AGBL1: variants seen among roughly 807,000 people sequenced by gnomAD.
The protein encoded by AGBL1 is cytosolic carboxypeptidase 4.
In AGBL1, 130 loss-of-function variants were observed where a neutral mutation model predicts 118.9. The observed-to-expected ratio is 1.09, with a 90% CI of 0.95 to 1.26. AGBL1 has a LOEUF of 1.26. AGBL1 is among the 50% of genes most tolerant of loss of function. The pLI is 0.00. For synonymous variants in AGBL1, 555 were observed against 478.9 expected (o/e 1.16, Z -2.08); for missense variants, 1,584 against 1,298.1 (o/e 1.22, Z -3.38).
chr15:86,658,008 A>C (rs886405988), intron 21 of AGBL1, among the ~76,000 whole-genome samples: 1 of 151,888 alleles, frequency 6.6e-6, no homozygotes, highest in East Asian at 1.9e-4. Flanking sequence ...AAATATATAC[A>C]TACACATAAA....
chr15:86,228,675 C>G (rs761862194), intron 6 of AGBL1, among the ~76,000 whole-genome samples: 1 of 152,320 alleles, frequency 6.6e-6, no homozygotes, highest in Non-Finnish European at 1.5e-5. Flanking sequence ...AGGGAAAGAT[C>G]ACCTGCATTG....
At chr15:86,347,377 A>G (rs1281937008) in intron 17 of AGBL1, among the ~76,000 whole-genome samples, 2 of 152,238 alleles carry the variant, frequency 1.3e-5, no homozygotes, top group East Asian at 3.8e-4. Flanking sequence ...AGTCATTGCT[A>G]GATTTATCTT....
intron 21 of AGBL1, among the ~76,000 whole-genome samples, chr15:86,639,085 A>G (rs147667316): frequency 7.2e-5 from 11 of 152,314 alleles, no homozygotes; most frequent in African/African-American, 2.4e-4. Context: ...GCAATAGAGT[A>G]TGAGCAAGGT....
intron 21 of AGBL1, among the ~76,000 whole-genome samples, chr15:86,662,276 A>T (rs1416947590): frequency 6.6e-6 from 1 of 152,222 alleles, no homozygotes; most frequent in Admixed American, 6.5e-5. Flanking sequence ...GTCTGAAAAA[A>T]TTCACTTTTT....
chr15:86,351,294 G>A (rs2080622456), intron 17 of AGBL1, among the ~76,000 whole-genome samples: 1 of 152,112 alleles, frequency 6.6e-6, no homozygotes, highest in Non-Finnish European at 1.5e-5. Context: ...TATGATAACA[G>A]CATTAATCCA....
chr15:86,678,340 C>G (rs1596361704), intron 22 of AGBL1, among the ~76,000 whole-genome samples: 1 of 152,126 alleles, frequency 6.6e-6, no homozygotes, highest in South Asian at 2.1e-4. Flanking sequence ...TATTTTAAAA[C>G]TTTTGCCATT....
intron 21 of AGBL1, among the ~76,000 whole-genome samples, chr15:86,606,566 G>A (rs1189798605): frequency 2.0e-5 from 3 of 152,122 alleles, no homozygotes; most frequent in Non-Finnish European, 4.4e-5. Flanking sequence ...TAAAGTGAGA[G>A]TAAAATGGTG....
intron 24 of AGBL1, among the ~76,000 whole-genome samples, chr15:86,989,149 T>C (rs1214196392): frequency 1.3e-5 from 2 of 151,964 alleles, no homozygotes; most frequent in Non-Finnish European, 2.9e-5. Context: ...CTACAGGTGT[T>C]TGCCACCAAG....
At chr15:86,408,749 C>T (rs1290346874) in intron 18 of AGBL1, among the ~76,000 whole-genome samples, 1 of 152,134 alleles carries the variant, frequency 6.6e-6, no homozygotes, top group Non-Finnish European at 1.5e-5. Context: ...TGTCAAGATG[C>T]TCTAAGGGGA....
At chr15:86,784,940 T>A (rs1300361551) in intron 22 of AGBL1, among the ~76,000 whole-genome samples, 2 of 152,132 alleles carry the variant, frequency 1.3e-5, no homozygotes, top group Admixed American at 6.5e-5. Context: ...TAAAAAAAAA[T>A]TAGCTCGTAA....
At chr15:86,341,468 C>G (rs1247383209) in intron 17 of AGBL1, among the ~76,000 whole-genome samples, 1 of 152,132 alleles carries the variant, frequency 6.6e-6, no homozygotes, top group East Asian at 1.9e-4. Context: ...TTTTCAGATA[C>G]TTTTTATATT....
chr15:86,257,736 A>T (rs117733698), intron 8 of AGBL1, among the ~76,000 whole-genome samples: 2 of 152,156 alleles, frequency 1.3e-5, no homozygotes, highest in Non-Finnish European at 1.5e-5. Flanking sequence ...TTTGCATTCA[A>T]TGTGGGATAA....
At chr15:86,691,634 A>G (rs1436540315) in intron 22 of AGBL1, among the ~76,000 whole-genome samples, 1 of 152,142 alleles carries the variant, frequency 6.6e-6, no homozygotes, top group Non-Finnish European at 1.5e-5. Flanking sequence ...TGTTGATGTA[A>G]AAACTAAGAA....
intron 13 of AGBL1, among the ~76,000 whole-genome samples, chr15:86,267,355 T>A (rs1447252068): frequency 6.6e-6 from 1 of 152,248 alleles, no homozygotes; most frequent in East Asian, 1.9e-4. Flanking sequence ...AGTGAACTGT[T>A]ATTAATGTGT....
intron 19 of AGBL1, among the ~76,000 whole-genome samples, chr15:86,542,928 C>T (rs1451089439): frequency 2.6e-5 from 4 of 152,058 alleles, no homozygotes; most frequent in African/African-American, 4.8e-5. Flanking sequence ...AAATGAACTT[C>T]GTGTAGGCAG....
In AGBL1 at chr15:86,212,280, C is replaced by T. The variant is rs114053642; in HGVS notation, c.489-12634C>T. 9.9e-3 allele frequency among the ~76,000 whole-genome samples: 1,507 copies of T among 152,224 alleles called. 24 individuals carry two copies. Among genetic ancestry groups the T allele is most frequent in the East Asian group, 0.055 (284 of 5,178 alleles). On this transcript the variant is annotated intron_variant, in intron 5 of 22. Coordinates refer to ENST00000614907, the MANE Select transcript of AGBL1 (RefSeq NM_001386094.1). The stretch of plus-strand genomic sequence containing the variant: ...TAATGTGAAGTCAGATACATAAATA[C>T]GCAATTTCCATGTTACCGTAAACAA...
rs1272702336 is a variant in AGBL1, at chr15:86,615,653, C to T, written c.2995-58620C>T. On this transcript the variant is annotated intron_variant, in intron 21 of 22. Transcript: ENST00000614907. This position sits in a 1 kb window ranked among gnomAD's most constrained non-coding sequence, Gnocchi z 4.3. ...ACAGAGCACTGAGGCTCCGGTTCAC[C>T]TCTGGACAGCTGGCATGGGTGCAAA... Among the ~76,000 whole-genome samples, 1 of 152,142 alleles carries T rather than the reference C, an allele frequency of 6.6e-6. No homozygotes were observed. The highest frequency in any genetic ancestry group is 2.4e-5 in the African/African-American group (1 of 41,434).
intron 18 of AGBL1, among the ~76,000 whole-genome samples, chr15:86,462,205 T>A (rs1470450814): frequency 1.3e-5 from 2 of 152,144 alleles, no homozygotes; most frequent in African/African-American, 4.8e-5. Flanking sequence ...GAGCCTCTGT[T>A]ATTGGGATGT....
At chr15:86,566,411 A>G (rs2083915309) in intron 21 of AGBL1, among the ~76,000 whole-genome samples, 1 of 152,024 alleles carries the variant, frequency 6.6e-6, no homozygotes, top group South Asian at 2.1e-4. Context: ...GCTGGTCTTT[A>G]TTTCACCTTT....
Sources: gnomAD v4.1 joint callset for allele counts (sites outside exome capture counted in the v4.1 genomes callset) on GRCh38, gnomAD v4.1.1 for gene constraint, Gnocchi (gnomAD v3.1) non-coding constraint, MANE v1.5 for transcripts, NCBI Gene and HGNC (gene_info 2026-07-23, HGNC 2026-07-21) for gene names.